The following KCNK13 variants were observed in gnomAD, a reference collection of about 807,000 sequenced individuals.
KCNK13 encodes the protein potassium channel subfamily K member 13.
A neutral mutation model predicts 23.4 loss-of-function variants in KCNK13; 12 were observed. The ratio of observed to expected loss-of-function variants is 0.51; its 90% CI spans 0.33 to 0.83. The LOEUF is 0.83. KCNK13 is among the 40% of genes least tolerant of loss of function. KCNK13 has a pLI of 0.02. For missense variants in KCNK13, 463 were observed against 556.3 expected (o/e 0.83, Z 1.69); for synonymous variants, 231 against 229.5 (o/e 1.01, Z -0.06).
intron 1 of KCNK13, among the ~76,000 whole-genome samples, chr14:90,108,951 C>T (rs995082752): frequency 6.6e-6 from 1 of 152,048 alleles, no homozygotes; most frequent in African/African-American, 2.4e-5. Context: ...CCGAGGCAGG[C>T]AGATCACGAG....
At chr14:90,075,451 A>G (rs1007845275) in intron 1 of KCNK13, among the ~76,000 whole-genome samples, 1 of 152,144 alleles carries the variant, frequency 6.6e-6, no homozygotes, top group Admixed American at 6.5e-5. Context: ...CTGAGAGCCC[A>G]TGACCTCTTT....
At chr14:90,097,720 C>A (rs940848197) in intron 1 of KCNK13, among the ~76,000 whole-genome samples, 38 of 152,144 alleles carry the variant, frequency 2.5e-4, no homozygotes, top group African/African-American at 8.9e-4. Flanking sequence ...TCACCAGCTG[C>A]CATTTGTGGA....
intron 1 of KCNK13, among the ~76,000 whole-genome samples, chr14:90,135,081 G>T (rs1269269775): frequency 6.6e-6 from 1 of 152,202 alleles, no homozygotes; most frequent in African/African-American, 2.4e-5. Context: ...AAATCGCAGA[G>T]AACTGGGCCT....
chr14:90,077,561 CT>C (rs1889155063), intron 1 of KCNK13, among the ~76,000 whole-genome samples: 1 of 152,174 alleles, frequency 6.6e-6, no homozygotes, highest in African/African-American at 2.4e-5. Flanking sequence ...TTGTTTTCAT[CT>C]ATTTGCTTAC....
intron 1 of KCNK13, among the ~76,000 whole-genome samples, chr14:90,153,306 C>T (rs748230854): frequency 1.2e-4 from 19 of 152,180 alleles, no homozygotes; most frequent in Non-Finnish European, 1.9e-4. Context: ...GACTGTAGTT[C>T]TCATACTGGC....
chr14:90,073,339 C>T (rs866168104), intron 1 of KCNK13, among the ~76,000 whole-genome samples: 4 of 152,152 alleles, frequency 2.6e-5, no homozygotes, highest in African/African-American at 9.7e-5. Flanking sequence ...TGCCTCCCAC[C>T]GGCAGTCCTC....
intron 1 of KCNK13, among the ~76,000 whole-genome samples, chr14:90,086,561 T>A (rs1419052660): frequency 6.6e-6 from 1 of 152,204 alleles, no homozygotes; most frequent in Non-Finnish European, 1.5e-5. Flanking sequence ...TTGTGTTTTA[T>A]TTGATGTTAC....
intron 1 of KCNK13, among the ~76,000 whole-genome samples, chr14:90,115,919 A>T (rs953276846): frequency 2.0e-5 from 3 of 152,228 alleles, no homozygotes; most frequent in African/African-American, 7.2e-5. Flanking sequence ...TGGTCATTGC[A>T]CTACTCATTC....
At chr14:90,110,203 C>T (rs1313509387) in intron 1 of KCNK13, among the ~76,000 whole-genome samples, 3 of 152,146 alleles carry the variant, frequency 2.0e-5, no homozygotes, top group Non-Finnish European at 4.4e-5. Context: ...GTGCAGATTA[C>T]CAGCAAGACC....
chr14:90,140,140 A>AGGGTTAAAACAGGCCCCTTGGCTTTG (rs1889988308), intron 1 of KCNK13, among the ~76,000 whole-genome samples: 2 of 152,226 alleles, frequency 1.3e-5, no homozygotes, highest in Admixed American at 1.3e-4. Flanking sequence ...TGGAGACGTA[A>AGGGTTAAAACAGGCCCCTTGGCTTTG]GGGTTAAAAC....
chr14:90,102,598 C>G (rs571892079), intron 1 of KCNK13, among the ~76,000 whole-genome samples: 1 of 152,124 alleles, frequency 6.6e-6, no homozygotes, highest in Admixed American at 6.6e-5. Context: ...TCTCCCATGA[C>G]CCCCTATGAA....
At chr14:90,094,208 A>G (rs1889381901) in intron 1 of KCNK13, among the ~76,000 whole-genome samples, 1 of 152,148 alleles carries the variant, frequency 6.6e-6, no homozygotes, top group Non-Finnish European at 1.5e-5. Flanking sequence ...TGGAAACTAC[A>G]TCCCATCTGC....
chr14:90,173,998 G>A (rs1230279875), intron 1 of KCNK13, among the ~76,000 whole-genome samples: 2 of 152,238 alleles, frequency 1.3e-5, no homozygotes, highest in South Asian at 2.1e-4. Context: ...AAAGAGGGAA[G>A]AGTCCCTTAT....
At chr14:90,157,115 A>G (rs556066646) in intron 1 of KCNK13, among the ~76,000 whole-genome samples, 3 of 152,316 alleles carry the variant, frequency 2.0e-5, no homozygotes, top group African/African-American at 7.2e-5. Context: ...GATAATTTTG[A>G]TGTACTGCAA....
chr14:90,085,543 C>T (rs1335307046), intron 1 of KCNK13, among the ~76,000 whole-genome samples: 1 of 150,678 alleles, frequency 6.6e-6, no homozygotes, highest in African/African-American at 2.4e-5. Flanking sequence ...CCTATACTCC[C>T]AGCTACTCAG....
chr14:90,092,979 C>T (rs535610687), intron 1 of KCNK13, among the ~76,000 whole-genome samples: 171 of 150,282 alleles, frequency 1.1e-3, no homozygotes, highest in African/African-American at 3.8e-3. Context: ...AAACACCCAC[C>T]ATTTCTTAGA....
intron 1 of KCNK13, among the ~76,000 whole-genome samples, chr14:90,066,860 C>T (rs2140386455): frequency 6.6e-6 from 1 of 152,234 alleles, no homozygotes; most frequent in South Asian, 2.1e-4. Context: ...TATTTGTACG[C>T]CAGTGTTCAT....
chr14:90,183,483 T>C (rs1417400792), intron 1 of KCNK13, among the ~76,000 whole-genome samples: 1 of 152,176 alleles, frequency 6.6e-6, no homozygotes. Flanking sequence ...CCCTGCTTCA[T>C]CTTTTCTAAG....
At chr14:90,136,182 T>A (rs1201946880) in intron 1 of KCNK13, among the ~76,000 whole-genome samples, 8 of 152,052 alleles carry the variant, frequency 5.3e-5, no homozygotes, top group African/African-American at 1.9e-4. Context: ...GTCAAGGAAG[T>A]TCATGCACAT....
Sources: gnomAD v4.1 joint callset for allele counts (sites outside exome capture counted in the v4.1 genomes callset) on GRCh38, gnomAD v4.1.1 for gene constraint, MANE v1.5 for transcripts, NCBI Gene and HGNC (gene_info 2026-07-23, HGNC 2026-07-21) for gene names.